ZSCAN12: variants seen among roughly 807,000 people sequenced by gnomAD.
ZSCAN12 encodes zinc finger and SCAN domain containing 12.
A neutral mutation model predicts 23.4 loss-of-function variants in ZSCAN12; 18 were observed. That is an observed-to-expected ratio of 0.77 (90% CI 0.53 to 1.14). The LOEUF (loss-of-function observed/expected upper bound fraction) is 1.14. Among genes scored for constraint, ZSCAN12 ranks in the 50% most tolerant of loss-of-function variants. The probability of loss-of-function intolerance (pLI) is 0.00; values close to 1 mark genes in which losing one functional copy is unlikely to be tolerated. For synonymous variants in ZSCAN12, 186 were observed against 253.4 expected (o/e 0.73, Z 2.53); for missense variants, 650 against 735.0 (o/e 0.88, Z 1.34).
intron 3 of ZSCAN12, among the ~76,000 whole-genome samples, chr6:28,392,439 G>A (rs560889379): frequency 6.6e-6 from 1 of 152,280 alleles, no homozygotes; most frequent in Non-Finnish European, 1.5e-5. Flanking sequence ...GCCTCCCAAA[G>A]TGTTGGGATT....
Position 28,391,227 on chromosome 6 carries a change from C to T in ZSCAN12, c.1063G>A (p.Glu355Lys). The T allele has an allele frequency of 6.4e-7, 1 of 1,551,904 alleles. No individual in the cohort carries two copies. The highest frequency in any genetic ancestry group is 8.7e-7 in the Non-Finnish European group (1 of 1,147,052). ...CAGTCATTACAGTGATAGTGTTTTT[C>T]TCCTGTGTGAAGTCTCTGATGTTGG... is the stretch of plus-strand genomic sequence containing the variant. ...LNQHQRLHTGEKHYHCNDCGK... is the reference protein window; with the variant it reads ...LNQHQRLHTGKKHYHCNDCGK... The change falls in exon 4 of 4, where the codon GAA becomes AAA. Residue 355 changes from glutamate (E) to lysine (K), a missense_variant. Transcript: ENST00000684592. This position sits in a 1 kb window ranked among gnomAD's most constrained non-coding sequence, Gnocchi z 4.1.
At chr6:28,396,907 T>A (rs1761137897) in intron 2 of ZSCAN12, among the ~76,000 whole-genome samples, 1 of 152,142 alleles carries the variant, frequency 6.6e-6, no homozygotes, top group South Asian at 2.1e-4. Flanking sequence ...CCTGGCCTCA[T>A]GATCCTATTT....
downstream of ZSCAN12, among the ~76,000 whole-genome samples, chr6:28,383,563 T>A (rs890067406): frequency 2.0e-5 from 3 of 152,102 alleles, no homozygotes; most frequent in Non-Finnish European, 4.4e-5. Flanking sequence ...CAGGGGCCCA[T>A]GCTCCCAGGC....
rs1235060394 is a variant in ZSCAN12, at chr6:28,391,553, G to A, written c.737C>T (p.Pro246Leu). Residue 246 changes from proline (P) to leucine (L), a missense_variant, in exon 4 of 4, where the codon CCT (proline) becomes CTT (leucine). Pro to Leu is a moderately conservative substitution (Grantham distance 98). Transcript: ENST00000684592. This position sits in a 1 kb window ranked among gnomAD's most constrained non-coding sequence, Gnocchi z 4.1. ...PSACSREDKQ[P>L]TCDENGVSLT... ...GCTTACTCCATTTTCATCACAGGTA[G>A]GTTGTTTATCTTCTCTGGAGCAAGC... 1.3e-6 allele frequency: 2 copies of A among 1,552,188 alleles called. No individual in the cohort carries two copies. Among genetic ancestry groups the A allele is most frequent in the East Asian group, 4.9e-5 (2 of 40,922 alleles).
downstream of ZSCAN12, chr6:28,382,350 G>A: frequency 7.6e-7 from 1 of 1,322,462 alleles, no homozygotes; most frequent in Middle Eastern, 2.7e-4. Context: ...ACCTTCCCAA[G>A]TCTTCTGACA....
rs1420102392 is a variant in ZSCAN12 at position 28,399,678 on chromosome 6, G to A, written c.-90C>T. On this transcript the variant is annotated 5_prime_UTR_variant, in exon 1 of 4. Transcript: ENST00000684592. ...TCACCTGCGGCCCCCAGGGCCAGAA[G>A]AGAACTCCCTCCTACGGAGCGAAGG... 6.6e-6 allele frequency: 1 copy of A among 152,516 alleles called. No homozygotes were observed. Among genetic ancestry groups the A allele is most frequent in the Non-Finnish European group, 1.5e-5 (1 of 68,276 alleles). 9.4% of individuals were successfully genotyped at this position (152,516 alleles called of 1,614,324 possible). A position where few individuals can be genotyped will look rare whatever the true frequency, so the allele number is the denominator to read the frequency against.
At position 28,398,377 on chromosome 6, in the gene ZSCAN12, T is replaced by C. The variant is rs1761234416; in HGVS notation, c.29A>G (p.His10Arg). Residue 10 changes from histidine to arginine, a missense_variant, in exon 2 of 4, where the codon CAC becomes CGC. Transcript: ENST00000684592. ...TTCCAAAGGTTCATCCTGGTCCATG[T>C]GGGCCTGGATAGCCCAAGTAGATGC... is the stretch of plus-strand genomic sequence containing the variant. The part of the protein sequence containing the change: MASTWAIQA[H>R]MDQDEPLEVK... 4 of 1,550,438 alleles carry C rather than the reference T, an allele frequency of 2.6e-6. No individual in the cohort carries two copies. Among genetic ancestry groups the C allele is most frequent in the Non-Finnish European group, 3.5e-6 (4 of 1,146,330 alleles).
chr6:28,387,607 T>C lies in ZSCAN12; in HGVS notation c.*2847A>G, dbSNP rs1346343806. On this transcript the variant is annotated 3_prime_UTR_variant, in exon 4 of 4. Transcript: ENST00000684592. ...TAACTCCATTTTTGTTTAAGGACCC[T>C]TTACCTATTCCTCCATGTAGGCTAA... 6.6e-6 allele frequency among the ~76,000 whole-genome samples: 1 copy of C among 152,220 alleles called. No individual in the cohort carries two copies. Among genetic ancestry groups the C allele is most frequent in the African/African-American group, 2.4e-5 (1 of 41,464 alleles).
Position 28,387,282 on chromosome 6 carries a change from G to C in ZSCAN12, c.*3172C>G, listed in dbSNP as rs1277585702. On this transcript the variant is annotated 3_prime_UTR_variant, in exon 4 of 4. Transcript: ENST00000684592. ...AAATGGAGGAATGTGCGCAATGACA[G>C]AACATATTAAGCAGAAAATGAACTG... Among the ~76,000 whole-genome samples, 1 of 152,172 alleles carries C rather than the reference G, an allele frequency of 6.6e-6. No individual in the cohort carries two copies. Among genetic ancestry groups the C allele is most frequent in the Admixed American group, 6.5e-5 (1 of 15,278 alleles).
At position 28,398,192 on chromosome 6, in the gene ZSCAN12, G is replaced by A. The variant is rs1761215674; in HGVS notation, c.214C>T (p.His72Tyr). The A allele has an allele frequency of 1.9e-6, 3 of 1,613,854 alleles. No homozygotes were observed. The highest frequency in any genetic ancestry group is 1.7e-6 in the Non-Finnish European group (2 of 1,179,958). Residue 72 changes from histidine to tyrosine, a missense_variant, in exon 2 of 4, where the codon CAT (histidine) becomes TAT (tyrosine). By Grantham distance (83) the His-to-Tyr change is moderately conservative. Transcript: ENST00000684592. Reference sequence around the variant, plus strand: ...TGGGTCTCTGGCCTCAGCCACTGATGGCAAAGTTCTCGGAGTCGGCTCAAA... The same window carrying A: ...TGGGTCTCTGGCCTCAGCCACTGATAGCAAAGTTCTCGGAGTCGGCTCAAA... The part of the protein sequence containing the change: ...EALSRLRELC[H>Y]QWLRPETHTK...
downstream of ZSCAN12, chr6:28,382,067 TCAAGCTATAAGTGATCCTCC>T (rs3832424): frequency 0.29 from 44,245 of 154,990 alleles, 6,848 homozygotes; most frequent in African/African-American, 0.42. Context: ...CTTTTGCTAG[TCAAGCTATAAGTGATCCTCC>T]CAAGCTTTCC....
At position 28,398,323 on chromosome 6, in the gene ZSCAN12, G is replaced by A; in HGVS notation, c.83C>T (p.Thr28Ile). ...TTTACGCAGGTCCCAATCCTGTCTG[G>A]TGGTATATTTCTCTTCCTCTATCTT... ...EVKIEEEKYT[T>I]RQDWDLRKNN... The change falls in exon 2 of 4, where the codon ACC (threonine) becomes ATC (isoleucine). Residue 28 changes from threonine (T) to isoleucine (I), a missense_variant. Coordinates refer to ENST00000684592, the MANE Select transcript of ZSCAN12 (RefSeq NM_001163391.2). 1 of 1,563,070 alleles carries A rather than the reference G, an allele frequency of 6.4e-7. No homozygotes were observed. The highest frequency in any genetic ancestry group is 8.7e-7 in the Non-Finnish European group (1 of 1,153,182).
intron 1 of ZSCAN12, among the ~76,000 whole-genome samples, 167 bp from the exon 2 acceptor site, chr6:28,398,640 G>A (rs185573583): frequency 2.3e-4 from 35 of 152,042 alleles, no homozygotes; most frequent in African/African-American, 7.5e-4. Context: ...GATTTAGGCC[G>A]GGCACAGTGG....
Position 28,388,113 on chromosome 6 carries a change from T to TA in ZSCAN12, c.*2340dup, listed in dbSNP as rs376365180. ...AGGTAGAGCACAGGCCTCACATACT[T>TA]AGAGCTACAGAGCTCCCAGACTCAC... On this transcript the variant is annotated 3_prime_UTR_variant, in exon 4 of 4. Coordinates refer to ENST00000684592, the MANE Select transcript of ZSCAN12 (RefSeq NM_001163391.2). 6.6e-6 allele frequency among the ~76,000 whole-genome samples: 1 copy of TA among 152,164 alleles called. No individual in the cohort carries two copies. The highest frequency in any genetic ancestry group is 2.4e-5 in the African/African-American group (1 of 41,434).
downstream of ZSCAN12, among the ~76,000 whole-genome samples, chr6:28,384,220 T>G (rs1357576265): frequency 6.6e-6 from 1 of 152,138 alleles, no homozygotes; most frequent in Non-Finnish European, 1.5e-5. Context: ...TTATCAGGGA[T>G]GAAATGAGGA....
chr6:28,397,923 G>GA, intron 2 of ZSCAN12, 81 bp downstream of exon 2: 1 of 1,429,922 alleles, frequency 7.0e-7, no homozygotes, highest in South Asian at 1.6e-5. Flanking sequence ...CATGCTTTGT[G>GA]AAAAAATGGC....
intron 2 of ZSCAN12, among the ~76,000 whole-genome samples, chr6:28,393,595 T>A (rs1760968203): frequency 1.3e-5 from 2 of 151,388 alleles, no homozygotes; most frequent in African/African-American, 4.9e-5. Flanking sequence ...TTAAAAATGA[T>A]CTGGGCATGG....
Position 28,390,496 on chromosome 6 carries a change from TTGAG to T in ZSCAN12, c.1790_1793del (p.Thr597AsnfsTer28). ...TTTCTCCTTTGTGGATAGTCTGATG[TTGAG>T]TAAGAGCTGAGTTCTGCCTGAATGA... is the stretch of plus-strand genomic sequence containing the variant. On this transcript the variant is annotated frameshift_variant, in exon 4 of 4. Transcript: ENST00000684592. LOFTEE classifies it low-confidence loss of function (END_TRUNC). 1 of 1,550,578 alleles carries T rather than the reference TTGAG, an allele frequency of 6.4e-7. No individual in the cohort carries two copies. Among genetic ancestry groups the T allele is most frequent in the African/African-American group, 1.4e-5 (1 of 73,126 alleles).
rs1760571464 is a variant in ZSCAN12, at chr6:28,386,815, C to T, written c.*3639G>A. On this transcript the variant is annotated 3_prime_UTR_variant, in exon 4 of 4. Coordinates refer to ENST00000684592, the MANE Select transcript of ZSCAN12 (RefSeq NM_001163391.2). ...AGAAATAACCAGAACAAAACCCCCACGTGTATTTTTATTTTTATTTTAATT... is the reference window on the plus strand; with the variant it reads ...AGAAATAACCAGAACAAAACCCCCATGTGTATTTTTATTTTTATTTTAATT... Among the ~76,000 whole-genome samples the T allele has an allele frequency of 6.6e-6, 1 of 152,038 alleles. No homozygotes were observed. The highest frequency in any genetic ancestry group is 2.4e-5 in the African/African-American group (1 of 41,394).
Sources: gnomAD v4.1 joint callset for allele counts (sites outside exome capture counted in the v4.1 genomes callset) on GRCh38, gnomAD v4.1.1 for gene constraint, Gnocchi (gnomAD v3.1) non-coding constraint, MANE v1.5 for transcripts, NCBI Gene and HGNC (gene_info 2026-07-23, HGNC 2026-07-21) for gene names.